Variants in CHRM2 observed in about 807,000 individuals in gnomAD.
The protein encoded by CHRM2 is cholinergic receptor muscarinic 2, also known as muscarinic acetylcholine receptor M2.
In CHRM2, 8 loss-of-function variants were observed where a neutral mutation model predicts 25.0. That is an observed-to-expected ratio of 0.32 (90% CI 0.19 to 0.58). CHRM2 has a LOEUF of 0.58. Ranked by LOEUF, CHRM2 falls within the 20% of genes least tolerant of loss-of-function variation. The pLI is 0.88. For synonymous variants in CHRM2, 202 were observed against 205.7 expected (o/e 0.98, Z 0.15); for missense variants, 440 against 567.1 (o/e 0.78, Z 2.28).
intron 2 of CHRM2, among the ~76,000 whole-genome samples, chr7:136,962,364 G>A (rs1180887590): frequency 1.3e-5 from 2 of 152,088 alleles, no homozygotes; most frequent in East Asian, 3.9e-4. Flanking sequence ...CGAACTCCTG[G>A]CCTCAAGTGA....
At chr7:136,917,852 A>T (rs992663731) in intron 2 of CHRM2, among the ~76,000 whole-genome samples, 1 of 152,070 alleles carries the variant, frequency 6.6e-6, no homozygotes, top group Non-Finnish European at 1.5e-5. Context: ...AATCTAGCCT[A>T]AAAAGGTAAG....
At chr7:136,883,688 G>A (rs79558567) in intron 2 of CHRM2, among the ~76,000 whole-genome samples, 223 of 152,204 alleles carry the variant, frequency 1.5e-3, no homozygotes, top group Non-Finnish European at 2.5e-3. Flanking sequence ...GTTTGTGTGG[G>A]ACTTTTGATT....
rs193179739 is a variant in CHRM2, at chr7:136,906,046, A to T, written c.-125+36628A>T. On this transcript the variant is annotated intron_variant, in intron 2 of 3. Coordinates refer to ENST00000680005, the MANE Select transcript of CHRM2 (RefSeq NM_001006630.2). ...TCTTAGTGTCAAATTACTACTATTT[A>T]AAAAATTTTGTTACGTATAATTTTT... Among the ~76,000 whole-genome samples the T allele has an allele frequency of 2.8e-3, 428 of 151,358 alleles. 1 individual carries two copies. Among genetic ancestry groups the T allele is most frequent in the Non-Finnish European group, 4.1e-3 (279 of 67,610 alleles).
At chr7:136,899,387 T>C (rs961850396) in intron 2 of CHRM2, 3 of 152,116 alleles carry the variant, frequency 2.0e-5, no homozygotes, top group African/African-American at 7.2e-5. Flanking sequence ...TAATTGGTTT[T>C]TCTCCTAAGA....
chr7:136,888,784 C>T (rs983945211), intron 2 of CHRM2, among the ~76,000 whole-genome samples: 2 of 152,062 alleles, frequency 1.3e-5, no homozygotes, highest in African/African-American at 2.4e-5. Context: ...AATTCAATCA[C>T]GCCTGTAATC....
chr7:136,879,708 T>C (rs970934647), intron 2 of CHRM2, among the ~76,000 whole-genome samples: 1 of 152,038 alleles, frequency 6.6e-6, no homozygotes, highest in East Asian at 1.9e-4. Context: ...CATAACACAT[T>C]CTCCAGGAAA....
intron 2 of CHRM2, among the ~76,000 whole-genome samples, chr7:136,990,564 A>G (rs971613329): frequency 6.6e-6 from 1 of 152,050 alleles, no homozygotes; most frequent in Non-Finnish European, 1.5e-5. Context: ...ACTTGTTTTT[A>G]GCATTATGTA....
chr7:136,900,050 CTG>C (rs1797111775), intron 2 of CHRM2, among the ~76,000 whole-genome samples: 4 of 152,022 alleles, frequency 2.6e-5, no homozygotes, highest in African/African-American at 9.7e-5. Flanking sequence ...GCATTGAAGA[CTG>C]TATAAATAAG....
intron 2 of CHRM2, among the ~76,000 whole-genome samples, chr7:136,930,062 T>C (rs972335548): frequency 2.6e-5 from 4 of 151,876 alleles, no homozygotes; most frequent in African/African-American, 9.7e-5. Flanking sequence ...CCTCTGCCAA[T>C]TAATGAAACA....
At chr7:136,990,385 C>A (rs1189678670) in intron 2 of CHRM2, among the ~76,000 whole-genome samples, 1 of 152,126 alleles carries the variant, frequency 6.6e-6, no homozygotes, top group Non-Finnish European at 1.5e-5. Flanking sequence ...AACTCCATCC[C>A]TGGCAATTTC....
chr7:136,955,251 A>G (rs1468733857), intron 2 of CHRM2, among the ~76,000 whole-genome samples: 1 of 152,152 alleles, frequency 6.6e-6, no homozygotes, highest in Non-Finnish European at 1.5e-5. Context: ...ATCCATTCAT[A>G]TTAGTGCATT....
At chr7:137,014,542 T>C (rs1383626460) in intron 3 of CHRM2, among the ~76,000 whole-genome samples, 6 of 151,944 alleles carry the variant, frequency 3.9e-5, no homozygotes, top group East Asian at 1.9e-4. Flanking sequence ...ATGAGATATA[T>C]AGGTAGATAG....
intron 2 of CHRM2, among the ~76,000 whole-genome samples, chr7:136,904,418 C>T: frequency 6.6e-6 from 1 of 151,826 alleles, no homozygotes; most frequent in East Asian, 1.9e-4. Flanking sequence ...AAGAAAAATG[C>T]TTGTAGTATT....
chr7:136,985,621 T>A (rs188020246), intron 2 of CHRM2, among the ~76,000 whole-genome samples: 1 of 151,124 alleles, frequency 6.6e-6, no homozygotes, highest in Admixed American at 6.6e-5. Flanking sequence ...TACATTTCAA[T>A]CGTCCAAGAT....
At chr7:136,912,897 G>T (rs1797918661) in intron 2 of CHRM2, among the ~76,000 whole-genome samples, 1 of 151,864 alleles carries the variant, frequency 6.6e-6, no homozygotes, top group South Asian at 2.1e-4. Context: ...TCATAGGGTT[G>T]TTATACCAAC....
At chr7:136,871,666 A>G (rs12532627) in intron 2 of CHRM2, 20,006 of 152,428 alleles carry the variant, frequency 0.13, 1,473 homozygotes, top group Non-Finnish European at 0.17. Flanking sequence ...ACAAACAGGC[A>G]TACCTGTGCC....
chr7:136,991,273 T>C (rs946659922), intron 2 of CHRM2, among the ~76,000 whole-genome samples: 5 of 152,190 alleles, frequency 3.3e-5, no homozygotes, highest in African/African-American at 1.2e-4. Context: ...ATTTTACAAT[T>C]AGGTCTTTGA....
intron 2 of CHRM2, among the ~76,000 whole-genome samples, chr7:136,915,897 C>A (rs905263182): frequency 6.7e-6 from 1 of 148,752 alleles, no homozygotes; most frequent in Non-Finnish European, 1.5e-5. Flanking sequence ...AGTGAAAGTG[C>A]GTATTGGAGA....
At chr7:136,929,735 C>T (rs1012911426) in intron 2 of CHRM2, among the ~76,000 whole-genome samples, 2 of 151,980 alleles carry the variant, frequency 1.3e-5, no homozygotes, top group African/African-American at 4.8e-5. Context: ...CTGAGCAACA[C>T]AGGAAAATAG....
Sources: gnomAD v4.1 joint callset for allele counts (sites outside exome capture counted in the v4.1 genomes callset) on GRCh38, gnomAD v4.1.1 for gene constraint, MANE v1.5 for transcripts, NCBI Gene and HGNC (gene_info 2026-07-23, HGNC 2026-07-21) for gene names.